SCHIP1: variants seen among roughly 807,000 people sequenced by gnomAD.
SCHIP1 encodes the protein schwannomin interacting protein 1, also known as schwannomin-interacting protein 1.
A neutral mutation model predicts 29.7 loss-of-function variants in SCHIP1; 8 were observed. The ratio of observed to expected loss-of-function variants is 0.27; its 90% confidence interval spans 0.16 to 0.49. The LOEUF is 0.49. SCHIP1 is among the 20% of genes least tolerant of loss of function. The pLI, the probability that SCHIP1 is intolerant of heterozygous loss-of-function variation, is 0.99. For synonymous variants in SCHIP1, 76 were observed against 94.9 expected, an observed-to-expected ratio of 0.80 and a Z score of 1.16; for missense variants, 193 against 294.6, an observed-to-expected ratio of 0.66 and a Z score of 2.52.
chr3:159,617,626 C>G, the SCHIP1 span, among the ~76,000 whole-genome samples: 1 of 152,116 alleles, frequency 6.6e-6, no homozygotes, highest in African/African-American at 2.4e-5. Context: ...CAGCCCTGAC[C>G]TTCCCACCAT....
At chr3:159,275,986 T>A in the SCHIP1 span, among the ~76,000 whole-genome samples, 1 of 152,122 alleles carries the variant, frequency 6.6e-6, no homozygotes, top group Non-Finnish European at 1.5e-5. Flanking sequence ...TTTATAACCT[T>A]TGGCTACAAA....
chr3:159,819,470 A>G, the SCHIP1 span, among the ~76,000 whole-genome samples: 1 of 152,190 alleles, frequency 6.6e-6, no homozygotes, highest in Non-Finnish European at 1.5e-5. Flanking sequence ...CAACCCATAT[A>G]TGTAAATCTT....
the SCHIP1 span, among the ~76,000 whole-genome samples, chr3:159,681,915 T>G: frequency 2.3e-5 from 3 of 132,112 alleles, no homozygotes; most frequent in African/African-American, 1.1e-4. Context: ...CAACGTTAAC[T>G]TAGGTTAACT....
At chr3:159,384,297 T>C in the SCHIP1 span, among the ~76,000 whole-genome samples, 1 of 151,982 alleles carries the variant, frequency 6.6e-6, no homozygotes, top group East Asian at 1.9e-4. Context: ...ATACCTAACT[T>C]ATTGAGAGTT....
the SCHIP1 span, among the ~76,000 whole-genome samples, chr3:159,819,752 G>A: frequency 6.6e-6 from 1 of 152,224 alleles, no homozygotes; most frequent in African/African-American, 2.4e-5. Context: ...CCTGACTCTA[G>A]ACCAGGCAGT....
At chr3:159,588,205 T>A in the SCHIP1 span, among the ~76,000 whole-genome samples, 1 of 152,230 alleles carries the variant, frequency 6.6e-6, no homozygotes, top group South Asian at 2.1e-4. Flanking sequence ...TGATTTGCAT[T>A]TCTCTGATGG....
the SCHIP1 span, among the ~76,000 whole-genome samples, chr3:159,531,894 A>G: frequency 6.6e-6 from 1 of 152,238 alleles, no homozygotes; most frequent in Non-Finnish European, 1.5e-5. Flanking sequence ...AGAAATTACC[A>G]CTATTATTTC....
intron 5 of SCHIP1, among the ~76,000 whole-genome samples, chr3:159,890,852 A>T (rs1419327174): frequency 1.3e-5 from 2 of 151,954 alleles, no homozygotes; most frequent in Non-Finnish European, 2.9e-5. Context: ...TGAAGTCAGG[A>T]TATCTAAAAG....
the SCHIP1 span, among the ~76,000 whole-genome samples, chr3:159,791,180 G>A: frequency 6.6e-6 from 1 of 152,288 alleles, no homozygotes; most frequent in South Asian, 2.1e-4. Context: ...GTGCAGGGAG[G>A]TGCAGTCTCA....
the SCHIP1 span, among the ~76,000 whole-genome samples, chr3:159,528,245 G>A: frequency 6.6e-6 from 1 of 152,172 alleles, no homozygotes; most frequent in African/African-American, 2.4e-5. Flanking sequence ...GTTGAGAACA[G>A]GATATTTAAA....
At chr3:159,589,731 G>A in the SCHIP1 span, among the ~76,000 whole-genome samples, 4 of 152,160 alleles carry the variant, frequency 2.6e-5, no homozygotes, top group African/African-American at 9.7e-5. Flanking sequence ...TTGTATAAAA[G>A]CCTCCATAGG....
chr3:159,761,965 C>T, the SCHIP1 span, among the ~76,000 whole-genome samples: 3 of 152,168 alleles, frequency 2.0e-5, no homozygotes, highest in Admixed American at 6.5e-5. Context: ...GTGATCAGTA[C>T]TTATCTGTCT....
the SCHIP1 span, among the ~76,000 whole-genome samples, chr3:159,679,293 A>G: frequency 6.6e-6 from 1 of 152,210 alleles, no homozygotes; most frequent in Admixed American, 6.5e-5. Context: ...CCATGTTCAA[A>G]GACAAAAATG....
the SCHIP1 span, among the ~76,000 whole-genome samples, chr3:159,768,801 G>A: frequency 1.9e-4 from 29 of 152,162 alleles, no homozygotes; most frequent in African/African-American, 7.0e-4. Context: ...CATCACCTGG[G>A]ACAGCCATAT....
At chr3:159,594,193 G>T in the SCHIP1 span, among the ~76,000 whole-genome samples, 1 of 152,248 alleles carries the variant, frequency 6.6e-6, no homozygotes, top group Non-Finnish European at 1.5e-5. Context: ...CAAGGCGGAA[G>T]AAATGGCAAC....
rs780995441 is a variant in SCHIP1 at position 159,888,849 on chromosome 3, C to T, written c.495C>T (p.Cys165=). 43 of 1,613,872 alleles carry T rather than the reference C, an allele frequency of 2.7e-5. No individual in the cohort carries two copies. In the Admixed American group the frequency reaches 6.8e-4, roughly 26 times the overall value. The stretch of plus-strand genomic sequence containing the variant: ...CACACATGCCTCATATAAGTGAATG[C>T]TTGATGAAAAGAAGTTTAAAACCCA... Residue 165 remains cysteine (C), a synonymous_variant, in exon 5 of 7, where the codon TGC becomes TGT. Coordinates refer to ENST00000445224, the Ensembl canonical transcript of SCHIP1.
chr3:159,811,263 G>A, the SCHIP1 span, among the ~76,000 whole-genome samples: 81 of 152,172 alleles, frequency 5.3e-4, no homozygotes, highest in South Asian at 4.8e-3. Context: ...TTTTCTTACT[G>A]ATGTTTCTTG....
the SCHIP1 span, chr3:159,375,729 AAAAT>A: frequency 0.027 from 20,641 of 778,516 alleles, 1,486 homozygotes; most frequent in African/African-American, 0.23. Flanking sequence ...ACTCCGTCTC[AAAAT>A]AAATAAATAA....
chr3:159,683,773 C>T, the SCHIP1 span, among the ~76,000 whole-genome samples: 2 of 152,158 alleles, frequency 1.3e-5, no homozygotes, highest in African/African-American at 4.8e-5. Context: ...TCCATTCAAC[C>T]AGAGCTCCAC....
Sources: gnomAD v4.1 joint callset for allele counts (sites outside exome capture counted in the v4.1 genomes callset) on GRCh38, gnomAD v4.1.1 for gene constraint, MANE v1.5 for transcripts, NCBI Gene and HGNC (gene_info 2026-07-23, HGNC 2026-07-21) for gene names.